The following KCNH5 variants were observed in gnomAD, a reference collection of about 807,000 sequenced individuals.
The protein encoded by KCNH5 is potassium voltage-gated channel subfamily H member 5.
A neutral mutation model predicts 96.1 loss-of-function variants in KCNH5; 46 were observed. That is an observed-to-expected ratio of 0.48 (90% confidence interval 0.38 to 0.61). The LOEUF is 0.61. Ranked by LOEUF, KCNH5 falls within the 20% of genes least tolerant of loss-of-function variation. The probability of loss-of-function intolerance (pLI) is 0.00; values close to 1 mark genes in which losing one functional copy is unlikely to be tolerated. For missense variants in KCNH5, 907 were observed against 1,225.8 expected (o/e 0.74, Z 3.88); for synonymous variants, 439 against 449.8 (o/e 0.98, Z 0.30).
At chr14:62,780,908 C>T (rs1886197474) in intron 9 of KCNH5, among the ~76,000 whole-genome samples, 1 of 152,088 alleles carries the variant, frequency 6.6e-6, no homozygotes, top group South Asian at 2.1e-4. Flanking sequence ...GAAACATCTT[C>T]CTAGAGGCAC....
intron 10 of KCNH5, among the ~76,000 whole-genome samples, chr14:62,731,945 T>C (rs886921442): frequency 6.6e-6 from 1 of 152,180 alleles, no homozygotes; most frequent in Non-Finnish European, 1.5e-5. Flanking sequence ...AGAAAATTCC[T>C]CAGCCACACA....
chr14:62,867,687 G>A (rs934916170), intron 7 of KCNH5, among the ~76,000 whole-genome samples: 1 of 152,076 alleles, frequency 6.6e-6, no homozygotes, highest in East Asian at 1.9e-4. Flanking sequence ...ATCACAAGTA[G>A]AATAAAACCA....
intron 7 of KCNH5, among the ~76,000 whole-genome samples, chr14:62,891,753 G>A (rs979528524): frequency 6.6e-6 from 1 of 151,994 alleles, no homozygotes; most frequent in African/African-American, 2.4e-5. Context: ...TCACATTTTG[G>A]TAATTCTCAC....
At chr14:62,926,916 A>T (rs1889487333) in intron 7 of KCNH5, among the ~76,000 whole-genome samples, 2 of 151,940 alleles carry the variant, frequency 1.3e-5, no homozygotes, top group Non-Finnish European at 2.9e-5. Context: ...CAAGTCCTTG[A>T]CTCCTGCTCT....
intron 10 of KCNH5, among the ~76,000 whole-genome samples, chr14:62,731,104 C>T (rs547961390): frequency 6.6e-6 from 1 of 151,892 alleles, no homozygotes; most frequent in South Asian, 2.1e-4. Context: ...AGTTCAAGAC[C>T]AGCCTGGCCA....
rs143225169 is a variant in KCNH5, at chr14:63,014,798, T to C, written c.197+2033A>G. Among the ~76,000 whole-genome samples, 1,056 of 152,232 alleles carry C rather than the reference T, an allele frequency of 6.9e-3. 8 individuals carry two copies. The highest frequency in any genetic ancestry group is 0.011 in the Non-Finnish European group (739 of 67,990). The stretch of plus-strand genomic sequence containing the variant: ...TTAGGGAAGCATAAATACCTTCAGG[T>C]AGATGAGATCTGAGATAAACCTGGC... On this transcript the variant is annotated intron_variant, in intron 2 of 10. Coordinates refer to ENST00000322893, the MANE Select transcript of KCNH5 (RefSeq NM_139318.5).
intron 7 of KCNH5, among the ~76,000 whole-genome samples, chr14:62,937,218 C>G (rs1290809205): frequency 1.3e-5 from 2 of 152,004 alleles, no homozygotes; most frequent in African/African-American, 4.8e-5. Context: ...TCTCTCAAAC[C>G]CTCATGTTTT....
intron 6 of KCNH5, among the ~76,000 whole-genome samples, chr14:62,973,741 A>T (rs913964430): frequency 2.0e-5 from 3 of 152,216 alleles, no homozygotes; most frequent in African/African-American, 7.2e-5. Flanking sequence ...ACAAACAGAA[A>T]AATTAGGTAT....
chr14:62,812,946 T>C (rs1324045618), intron 8 of KCNH5, among the ~76,000 whole-genome samples: 2 of 152,126 alleles, frequency 1.3e-5, no homozygotes, highest in Admixed American at 6.6e-5. Flanking sequence ...TCCCATCAAA[T>C]ATTTATGGCA....
At chr14:62,889,511 T>G (rs1394651320) in intron 7 of KCNH5, among the ~76,000 whole-genome samples, 1 of 152,310 alleles carries the variant, frequency 6.6e-6, no homozygotes, top group East Asian at 1.9e-4. Flanking sequence ...GGGATGATGA[T>G]GCAGTAGTCG....
chr14:62,851,502 A>G (rs1327576596), intron 7 of KCNH5, among the ~76,000 whole-genome samples: 1 of 132,146 alleles, frequency 7.6e-6, no homozygotes, highest in Non-Finnish European at 1.7e-5. Context: ...CTTTCCTAAA[A>G]AAAAAAAAAA....
intron 8 of KCNH5, among the ~76,000 whole-genome samples, chr14:62,806,807 C>T (rs946385065): frequency 7.2e-5 from 11 of 152,162 alleles, no homozygotes; most frequent in African/African-American, 2.7e-4. Flanking sequence ...AAGTCCCTCT[C>T]AGCTAAGAAC....
At chr14:62,893,225 G>T (rs1353215299) in intron 7 of KCNH5, among the ~76,000 whole-genome samples, 5 of 152,148 alleles carry the variant, frequency 3.3e-5, no homozygotes, top group Non-Finnish European at 7.4e-5. Context: ...TGACCCTCAT[G>T]GATGACTTTG....
At chr14:62,983,303 G>A (rs1015839511) in intron 5 of KCNH5, among the ~76,000 whole-genome samples, 4 of 151,732 alleles carry the variant, frequency 2.6e-5, no homozygotes, top group African/African-American at 9.7e-5. Flanking sequence ...GAACCTGGGA[G>A]GCAGAGGTTC....
intron 9 of KCNH5, among the ~76,000 whole-genome samples, chr14:62,793,336 G>A (rs1886473701): frequency 1.3e-5 from 2 of 151,776 alleles, no homozygotes; most frequent in African/African-American, 4.8e-5. Flanking sequence ...AGAAAGCTAT[G>A]GGAGTTTTAG....
At chr14:62,776,266 CA>C (rs927875892) in intron 10 of KCNH5, among the ~76,000 whole-genome samples, 95 of 141,096 alleles carry the variant, frequency 6.7e-4, no homozygotes, top group South Asian at 1.1e-3. Context: ...GGTTCCATCT[CA>C]AAAAAAAAAA....
chr14:62,714,446 C>A (rs1884641181), intron 10 of KCNH5, among the ~76,000 whole-genome samples: 1 of 152,132 alleles, frequency 6.6e-6, no homozygotes, highest in Non-Finnish European at 1.5e-5. Context: ...TTGCACCCAA[C>A]ACTTTGGCCA....
At chr14:63,011,968 TATC>T in intron 2 of KCNH5, among the ~76,000 whole-genome samples, 1 of 152,324 alleles carries the variant, frequency 6.6e-6, no homozygotes, top group Middle Eastern at 3.4e-3. Context: ...TGAGAGCATC[TATC>T]TACCCCTCAA....
chr14:62,804,813 T>C (rs1290461733), intron 8 of KCNH5, among the ~76,000 whole-genome samples: 1 of 152,204 alleles, frequency 6.6e-6, no homozygotes, highest in Non-Finnish European at 1.5e-5. Context: ...GCCTGGCACA[T>C]AGCAAGGGCA....
Sources: allele counts gnomAD v4.1 joint callset (sites outside exome capture counted in the v4.1 genomes callset), GRCh38; gene constraint gnomAD v4.1.1; transcripts MANE v1.5; gene names NCBI Gene and HGNC (gene_info 2026-07-23, HGNC 2026-07-21).